Variants in SRSF11 observed in about 807,000 individuals in gnomAD.
SRSF11 encodes serine/arginine-rich splicing factor 11.
A neutral mutation model predicts 56.0 loss-of-function variants in SRSF11; 9 were observed. That is an observed-to-expected ratio of 0.16 (90% confidence interval 0.10 to 0.28). The LOEUF (loss-of-function observed/expected upper bound fraction) is 0.28. Ranked by LOEUF, SRSF11 falls within the 10% of genes least tolerant of loss-of-function variation. SRSF11 has a pLI of 1.00. For synonymous variants in SRSF11, 222 were observed against 215.3 expected (o/e 1.03, Z -0.27); for missense variants, 421 against 600.7 (o/e 0.70, Z 3.13).
upstream of SRSF11, among the ~76,000 whole-genome samples, chr1:70,219,664 G>A (rs1011403650): frequency 2.0e-5 from 3 of 152,206 alleles, no homozygotes; most frequent in Non-Finnish European, 1.5e-5. Flanking sequence ...CACAGATACT[G>A]AGGGACAGCT....
chr1:70,248,284 G>A (rs559381149), intron 9 of SRSF11: 3 of 152,082 alleles, frequency 2.0e-5, no homozygotes, highest in East Asian at 3.9e-4. Context: ...AAACAGAATG[G>A]TATATCTATA....
upstream of SRSF11, among the ~76,000 whole-genome samples, chr1:70,219,925 T>C (rs1056716856): frequency 6.6e-6 from 1 of 152,264 alleles, no homozygotes; most frequent in Non-Finnish European, 1.5e-5. Flanking sequence ...GTAGATACTC[T>C]GTAAGGCTTC....
At chr1:70,237,774 A>G (rs947520621) in intron 6 of SRSF11, among the ~76,000 whole-genome samples, 2 of 152,244 alleles carry the variant, frequency 1.3e-5, no homozygotes, top group Non-Finnish European at 2.9e-5. Flanking sequence ...GTTGCTAGAT[A>G]TCCTGCAACA....
chr1:70,224,913 C>T (rs907198914), intron 1 of SRSF11, among the ~76,000 whole-genome samples: 2 of 152,158 alleles, frequency 1.3e-5, no homozygotes, highest in Non-Finnish European at 2.9e-5. Context: ...TCTAAATGTA[C>T]CTTAATCCTT....
intron 1 of SRSF11, among the ~76,000 whole-genome samples, chr1:70,225,368 A>G (rs1671537706): frequency 6.6e-6 from 1 of 152,174 alleles, no homozygotes; most frequent in African/African-American, 2.4e-5. Context: ...ATTTTATTGT[A>G]TATTTCTTTA....
In SRSF11 at chr1:70,229,021, T is replaced by A. The variant is rs1000249063; in HGVS notation, c.337+466T>A. 6.1e-6 allele frequency: 6 copies of A among 985,172 alleles called. No homozygotes were observed. In the African/African-American group the frequency reaches 1.0e-4, roughly 17 times the overall value. 61.0% of individuals were successfully genotyped at this position (985,172 alleles called of 1,614,324 possible). On this transcript the variant is annotated intron_variant, in intron 2 of 11. Coordinates refer to ENST00000370949, the MANE Select transcript of SRSF11 (RefSeq NM_001350605.2). ...TGGAAAAAAAAAAAACACATTGAAT[T>A]TCAGTATACCAAGGGTTGCAGTGAT...
In SRSF11 at chr1:70,212,235, T is replaced by TTTAA. The variant is rs562486984; in HGVS notation, c.-26+6473_-26+6476dup. ...TTGTTCTGACCCATGTCATGGTACTTTTAATTAATTAATTAATTAATACTT... is the reference window on the plus strand; with the variant it reads ...TTGTTCTGACCCATGTCATGGTACTTTTAATTAATTAATTAATTAATTAATACTT... On this transcript the variant is annotated intron_variant, in intron 1 of 12. Transcript: ENST00000370950. Among the ~76,000 whole-genome samples, 323 of 152,264 alleles carry TTTAA rather than the reference T, an allele frequency of 2.1e-3. 2 individuals carry two copies. Among genetic ancestry groups the TTTAA allele is most frequent in the Non-Finnish European group, 3.8e-3 (259 of 68,004 alleles).
chr1:70,249,465 TTG>T (rs1677498988), intron 9 of SRSF11: 5 of 152,270 alleles, frequency 3.3e-5, no homozygotes, highest in African/African-American at 1.2e-4. Flanking sequence ...AGGAGTTTTC[TTG>T]AGGGTAGTAA....
intron 5 of SRSF11, among the ~76,000 whole-genome samples, chr1:70,235,922 G>A (rs1033467792): frequency 1.3e-5 from 2 of 152,190 alleles, no homozygotes; most frequent in African/African-American, 2.4e-5. Context: ...ATAATTAATA[G>A]CCAACATTTT....
In SRSF11 at chr1:70,221,817, G is replaced by A. The variant is rs1670688207; in HGVS notation, c.181G>A (p.Glu61Lys). 6.2e-7 allele frequency: 1 copy of A among 1,613,802 alleles called. No homozygotes were observed. Among genetic ancestry groups the A allele is most frequent in the African/African-American group, 1.3e-5 (1 of 74,910 alleles). ...CTTCGGTTTCCTAGGCAAGATCGAC[G>A]AACTGCGCCTCTTCCCGCCGGAGTG... Reference protein sequence around the residue: ...TLFGFLGKIDELRLFPPDDSP... With the variant: ...TLFGFLGKIDKLRLFPPDDSP... Residue 61 changes from glutamate to lysine, a missense_variant, in exon 1 of 12, where the codon GAA (glutamate) becomes AAA (lysine). Coordinates refer to ENST00000370949, the MANE Select transcript of SRSF11 (RefSeq NM_001350605.2).
chr1:70,244,862 T>G, intron 8 of SRSF11, 47 bp downstream of exon 8: 1 of 1,591,460 alleles, frequency 6.3e-7, no homozygotes, highest in Non-Finnish European at 8.6e-7. Flanking sequence ...CCAGTACCCC[T>G]AGTACTGTGC....
At chr1:70,229,557 C>G in intron 2 of SRSF11, 1 of 984,958 alleles carries the variant, frequency 1.0e-6, no homozygotes, top group Non-Finnish European at 1.2e-6. Context: ...ACTCGAATCA[C>G]TGAAATATGA....
In SRSF11 at chr1:70,208,681, A is replaced by C. The variant is rs2100428499; in HGVS notation, c.-26+2901A>C. On this transcript the variant is annotated intron_variant, in intron 1 of 12. Coordinates refer to the SRSF11 transcript ENST00000370950. ...AGTAAGTGCAGATTGAGCAAGTTAC[A>C]GTAAAAATTATTACCTAATGCAATA... 1.3e-5 allele frequency among the ~76,000 whole-genome samples: 2 copies of C among 152,322 alleles called. 1 individual carries two copies. Among genetic ancestry groups the C allele is most frequent in the South Asian group, 4.1e-4 (2 of 4,832 alleles).
intron 7 of SRSF11, 146 bp downstream of exon 7, chr1:70,239,666 CAT>C: frequency 1.9e-6 from 1 of 520,542 alleles, no homozygotes; most frequent in Non-Finnish European, 3.3e-6. Flanking sequence ...ACTGTTCACA[CAT>C]GTAAAAAGTA....
intron 5 of SRSF11, 68 bp from the exon 6 acceptor site, chr1:70,237,357 A>G: frequency 6.3e-7 from 1 of 1,583,454 alleles, no homozygotes; most frequent in South Asian, 1.2e-5. Context: ...TATATACTTA[A>G]GTATTTATTT....
upstream of SRSF11, among the ~76,000 whole-genome samples, chr1:70,220,071 C>T (rs1424955652): frequency 6.6e-6 from 1 of 152,228 alleles, no homozygotes; most frequent in African/African-American, 2.4e-5. Context: ...GTGTCCAGCA[C>T]ATTCATTGGG....
At chr1:70,231,787 G>A in intron 2 of SRSF11, 22 of 1,334,814 alleles carry the variant, frequency 1.6e-5, no homozygotes, top group Non-Finnish European at 2.1e-5. Context: ...CATAGTAACT[G>A]TACCATATTA....
intron 1 of SRSF11, among the ~76,000 whole-genome samples, chr1:70,208,901 T>C (rs1669297905): frequency 6.6e-6 from 1 of 152,228 alleles, no homozygotes; most frequent in Non-Finnish European, 1.5e-5. Context: ...AGTATTTGCT[T>C]TTTTAGAAAA....
chr1:70,221,320 G>T (rs575772176), upstream of SRSF11: 16 of 360,284 alleles, frequency 4.4e-5, no homozygotes, highest in African/African-American at 3.2e-4. Context: ...GGCCTGCGCG[G>T]GGTGGAGCCG....
Sources: allele counts gnomAD v4.1 joint callset (sites outside exome capture counted in the v4.1 genomes callset), GRCh38; gene constraint gnomAD v4.1.1; transcripts MANE v1.5; gene names NCBI Gene and HGNC (gene_info 2026-07-23, HGNC 2026-07-21).